The following ZNF223 variants were observed in gnomAD, a reference collection of about 807,000 sequenced individuals.
The protein encoded by ZNF223 is Homo sapiens zinc finger protein 223.
In ZNF223, 9 loss-of-function variants were observed where a neutral mutation model predicts 12.3. The ratio of observed to expected loss-of-function variants is 0.73; its 90% confidence interval spans 0.44 to 1.28. ZNF223 has a LOEUF of 1.28. Among genes scored for constraint, ZNF223 ranks in the 50% most tolerant of loss-of-function variants. The pLI, the probability that ZNF223 is intolerant of heterozygous loss-of-function variation, is 0.00. For missense variants in ZNF223, 506 were observed against 579.0 expected, an observed-to-expected ratio of 0.87 and a Z score of 1.29; for synonymous variants, 171 against 195.2, an observed-to-expected ratio of 0.88 and a Z score of 1.03.
rs367658840 is a variant in ZNF223, at chr19:44,066,934, A to G, written c.1106A>G (p.Glu369Gly). Residue 369 changes from glutamate to glycine, a missense_variant, in exon 5 of 5, where the codon GAA becomes GGA. Coordinates refer to ENST00000434772, the MANE Select transcript of ZNF223 (RefSeq NM_013361.6). Reference sequence around the variant, plus strand: ...ATCCATCAGCGAGTCCACACTGGAGAAAAGCCATACAAATGTGACAAGTGT... The same window carrying G: ...ATCCATCAGCGAGTCCACACTGGAGGAAAGCCATACAAATGTGACAAGTGT... ...LLIHQRVHTG[E>G]KPYKCDKCGK... 21 of 1,614,086 alleles carry G rather than the reference A, an allele frequency of 1.3e-5. No homozygotes were observed. The highest frequency in any genetic ancestry group is 1.8e-5 in the Non-Finnish European group (21 of 1,180,028).
At chr19:44,056,327 C>A (rs867154065) in intron 2 of ZNF223, among the ~76,000 whole-genome samples, 1 of 131,484 alleles carries the variant, frequency 7.6e-6, no homozygotes, top group South Asian at 2.4e-4. Flanking sequence ...ACCATCCTGG[C>A]TAATATGGTG....
chr19:44,062,969 T>G (rs1163069432), intron 4 of ZNF223, among the ~76,000 whole-genome samples: 1 of 152,232 alleles, frequency 6.6e-6, no homozygotes, highest in African/African-American at 2.4e-5. Flanking sequence ...TTCTTTACAT[T>G]ATGCAAATTT....
Position 44,066,555 on chromosome 19 carries a change from T to C in ZNF223, c.727T>C (p.Cys243Arg), listed in dbSNP as rs1976916967. 6.2e-7 allele frequency: 1 copy of C among 1,614,118 alleles called. No individual in the cohort carries two copies. The highest frequency in any genetic ancestry group is 8.5e-7 in the Non-Finnish European group (1 of 1,179,994). ...TGAACAATGTGGGAGAGGCTTCAGA[T>C]GTAGATCAGCACTTACAGTTCATTG... The part of the protein sequence containing the change: ...KCEQCGRGFR[C>R]RSALTVHCKL... The change falls in exon 5 of 5, where the codon TGT becomes CGT. Residue 243 changes from cysteine to arginine, a missense_variant. Physicochemically the swap from Cys to Arg is radical, Grantham distance 180. Coordinates refer to ENST00000434772, the MANE Select transcript of ZNF223 (RefSeq NM_013361.6).
intron 2 of ZNF223, among the ~76,000 whole-genome samples, chr19:44,055,627 G>A (rs976491071): frequency 2.6e-5 from 4 of 151,878 alleles, no homozygotes; most frequent in African/African-American, 9.7e-5. Flanking sequence ...AAATTAACTG[G>A]GCATGGTGGT....
intron 1 of ZNF223, among the ~76,000 whole-genome samples, chr19:44,054,444 T>C (rs1049046248): frequency 2.6e-5 from 4 of 152,198 alleles, no homozygotes; most frequent in Non-Finnish European, 5.9e-5. Flanking sequence ...CCATTTCTCC[T>C]CTATTGGTTC....
chr19:44,055,321 T>C (rs558872940), intron 2 of ZNF223, 130 bp downstream of exon 2: 2 of 1,014,282 alleles, frequency 2.0e-6, no homozygotes, highest in South Asian at 1.4e-5. Context: ...ACCTGGCTAA[T>C]TTTTGTAGTA....
At position 44,066,674 on chromosome 19, in the gene ZNF223, C is replaced by T. The variant is rs2147482254; in HGVS notation, c.846C>T (p.His282=). The change falls in exon 5 of 5, where the codon CAC becomes CAT. Residue 282 remains histidine (H), a synonymous_variant. Transcript: ENST00000434772. ...AGCTTCAGAAACATCAGAGAATTCA[C>T]ACAGGGGAGAAGCCATTCAAATGTG... ...DFQLQKHQRI[H]TGEKPFKCEI... 6.2e-7 allele frequency: 1 copy of T among 1,614,192 alleles called. No individual in the cohort carries two copies.
At chr19:44,053,464 C>T (rs1218203219) in intron 1 of ZNF223, among the ~76,000 whole-genome samples, 1 of 152,220 alleles carries the variant, frequency 6.6e-6, no homozygotes, top group Non-Finnish European at 1.5e-5. Flanking sequence ...TTTACACAAA[C>T]ATCTCAGTGC....
chr19:44,058,187 C>T (rs139146869), intron 2 of ZNF223, among the ~76,000 whole-genome samples: 98 of 152,304 alleles, frequency 6.4e-4, no homozygotes, highest in African/African-American at 2.3e-3. Context: ...GAATAATCTA[C>T]AGTTATTCTT....
chr19:44,062,318 A>G (rs1173417428), intron 4 of ZNF223, among the ~76,000 whole-genome samples: 2 of 152,196 alleles, frequency 1.3e-5, no homozygotes, highest in East Asian at 3.8e-4. Flanking sequence ...TATACTTTAA[A>G]TCATGTCTAG....
At chr19:44,052,598 A>G (rs532065656) in intron 1 of ZNF223, among the ~76,000 whole-genome samples, 3 of 152,330 alleles carry the variant, frequency 2.0e-5, no homozygotes, top group South Asian at 4.1e-4. Context: ...CAAAAACAGT[A>G]TAAGAAATTC....
rs114688349 is a variant in ZNF223 at position 44,052,866 on chromosome 19, T to C, written c.-69+671T>C. 3.8e-3 allele frequency among the ~76,000 whole-genome samples: 572 copies of C among 152,134 alleles called. 3 individuals carry two copies. Among genetic ancestry groups the C allele is most frequent in the African/African-American group, 0.013 (540 of 41,508 alleles). On this transcript the variant is annotated intron_variant, in intron 1 of 4. Transcript: ENST00000434772. Reference sequence around the variant, plus strand: ...TTATGTTAAATAATACTGTTACCGATTACATGTCAGATAGATGTGTTAAAA... The same window carrying C: ...TTATGTTAAATAATACTGTTACCGACTACATGTCAGATAGATGTGTTAAAA...
At chr19:44,064,352 C>A (rs2147478725) in intron 4 of ZNF223, among the ~76,000 whole-genome samples, 1 of 152,286 alleles carries the variant, frequency 6.6e-6, no homozygotes, top group East Asian at 1.9e-4. Context: ...GAGCATCCTC[C>A]TTTGTGGACC....
At chr19:44,055,567 C>T (rs977773260) in intron 2 of ZNF223, among the ~76,000 whole-genome samples, 14 of 151,722 alleles carry the variant, frequency 9.2e-5, no homozygotes, top group Admixed American at 6.5e-4. Flanking sequence ...GTCAGGAGTT[C>T]GAGACCAGTC....
chr19:44,058,684 G>T (rs535817107), intron 2 of ZNF223, among the ~76,000 whole-genome samples: 1 of 152,238 alleles, frequency 6.6e-6, no homozygotes, highest in Non-Finnish European at 1.5e-5. Flanking sequence ...GAGCACTTGT[G>T]TTTTTTGAAC....
Position 44,066,963 on chromosome 19 carries a change from A to G in ZNF223, c.1135A>G (p.Lys379Glu), listed in dbSNP as rs753918009. ...GCCATACAAATGTGACAAGTGTGGG[A>G]AGAGCTACATTACTAAGTCAGGTCT... Reference protein sequence around the residue: ...EKPYKCDKCGKSYITKSGLDL... With the variant: ...EKPYKCDKCGESYITKSGLDL... Residue 379 changes from lysine (K) to glutamate (E), a missense_variant, in exon 5 of 5, where the codon AAG becomes GAG. Transcript: ENST00000434772. 28 of 1,614,108 alleles carry G rather than the reference A, an allele frequency of 1.7e-5. No individual in the cohort carries two copies. The highest frequency in any genetic ancestry group is 2.7e-5 in the African/African-American group (2 of 74,940).
At chr19:44,060,275 G>A (rs1599869414) in intron 2 of ZNF223, 180 bp from the exon 3 acceptor site, 3 of 1,077,628 alleles carry the variant, frequency 2.8e-6, no homozygotes, top group Non-Finnish European at 3.9e-6. Flanking sequence ...TGACGCTTGG[G>A]ACAATCAAGG....
intron 2 of ZNF223, among the ~76,000 whole-genome samples, chr19:44,058,285 C>T (rs1976794870): frequency 6.6e-6 from 1 of 152,220 alleles, no homozygotes; most frequent in South Asian, 2.1e-4. Context: ...AGATATCCCT[C>T]TTAGCAAACT....
chr19:44,053,656 C>T (rs11878320), intron 1 of ZNF223, among the ~76,000 whole-genome samples: 4,468 of 152,236 alleles, frequency 0.029, 215 homozygotes, highest in African/African-American at 0.1. Flanking sequence ...TTTCACTAAT[C>T]CTCCTCAGCA....
Sources: gnomAD v4.1 joint callset for allele counts (sites outside exome capture counted in the v4.1 genomes callset) on GRCh38, gnomAD v4.1.1 for gene constraint, MANE v1.5 for transcripts, NCBI Gene and HGNC (gene_info 2026-07-23, HGNC 2026-07-21) for gene names.